The following SASH1 variants were observed in gnomAD, a reference collection of about 807,000 sequenced individuals.
The protein encoded by SASH1 is SAM and SH3 domain containing 1, also known as SAM and SH3 domain-containing protein 1.
Under a neutral mutation model 125.2 loss-of-function variants are expected in SASH1, and 44 were observed. The observed-to-expected ratio is 0.35, with a 90% CI of 0.28 to 0.45. The LOEUF (loss-of-function observed/expected upper bound fraction) is 0.45. Ranked by LOEUF, SASH1 falls within the 20% of genes least tolerant of loss-of-function variation. The pLI is 1.00. For synonymous variants in SASH1, 639 were observed against 649.1 expected (o/e 0.98, Z 0.24); for missense variants, 1,426 against 1,614.5 (o/e 0.88, Z 2.00).
chr6:148,410,884 G>A (rs1363588766), intron 2 of SASH1, among the ~76,000 whole-genome samples: 2 of 152,126 alleles, frequency 1.3e-5, no homozygotes, highest in Admixed American at 6.5e-5. Context: ...AGGCGGCCGG[G>A]CACAGTGGCT....
the SASH1 span, among the ~76,000 whole-genome samples, chr6:148,248,946 CA>C: frequency 6.6e-6 from 1 of 152,130 alleles, no homozygotes; most frequent in African/African-American, 2.4e-5. Flanking sequence ...CTAATTTATA[CA>C]AAATCTCCAA....
the SASH1 span, among the ~76,000 whole-genome samples, chr6:148,242,107 T>C: frequency 2.6e-5 from 4 of 152,228 alleles, no homozygotes; most frequent in African/African-American, 4.8e-5. Flanking sequence ...TAAGATAATG[T>C]AGGACTATTC....
intron 1 of SASH1, among the ~76,000 whole-genome samples, chr6:148,337,729 A>G (rs2495937): frequency 0.28 from 41,890 of 152,094 alleles, 5,795 homozygotes; most frequent in Admixed American, 0.31. Context: ...GTATATGTAT[A>G]TATGTGTTGT....
At chr6:148,364,540 C>G (rs1032684377) in intron 1 of SASH1, among the ~76,000 whole-genome samples, 1 of 152,138 alleles carries the variant, frequency 6.6e-6, no homozygotes, top group Non-Finnish European at 1.5e-5. Context: ...GTGAAAGTTG[C>G]CTGTCCTGAG....
chr6:148,258,777 CCT>C, the SASH1 span, among the ~76,000 whole-genome samples: 2 of 152,160 alleles, frequency 1.3e-5, no homozygotes, highest in African/African-American at 4.8e-5. Flanking sequence ...TTCATTTTAT[CCT>C]CTTTCATTCC....
At chr6:148,213,488 G>T in the SASH1 span, among the ~76,000 whole-genome samples, 25 of 147,952 alleles carry the variant, frequency 1.7e-4, no homozygotes, top group Non-Finnish European at 3.0e-4. Flanking sequence ...TAGAAGCCTG[G>T]AATTCCCTAG....
chr6:148,392,172 A>G (rs62432277), intron 2 of SASH1, among the ~76,000 whole-genome samples: 1 of 151,938 alleles, frequency 6.6e-6, no homozygotes, highest in Non-Finnish European at 1.5e-5. Flanking sequence ...TCTAATCCCA[A>G]CTACTCGGGA....
the SASH1 span, among the ~76,000 whole-genome samples, chr6:148,233,214 T>TA: frequency 0.14 from 17,590 of 126,394 alleles, 1,295 homozygotes; most frequent in Middle Eastern, 0.2. Context: ...AACTCCATCT[T>TA]AAAAAAAAAA....
In SASH1 at chr6:148,279,148, T is replaced by C. The variant is rs372201768; in HGVS notation, n.74+6771T>C. On this transcript the variant is annotated intron_variant and non_coding_transcript_variant, in intron 1 of 3. Coordinates refer to the SASH1 transcript ENST00000367469. ...CTGGGACTACAGGCGCATGCTGCTA[T>C]GCCCGGCTAATTTTTTGTATTTTAG... Among the ~76,000 whole-genome samples, 32 of 152,214 alleles carry C rather than the reference T, an allele frequency of 2.1e-4. No homozygotes were observed. The South Asian group carries it at 6.4e-3, about 31-fold the overall frequency.
At chr6:148,265,317 AAAGGAGGGAGGG>A in the SASH1 span, among the ~76,000 whole-genome samples, 3,060 of 149,098 alleles carry the variant, frequency 0.021, 71 homozygotes, top group East Asian at 0.1. Context: ...CAAGAAAGAA[AAAGGAGGGAGGG>A]AAGGAGGGAG....
intron 16 of SASH1, among the ~76,000 whole-genome samples, chr6:148,535,465 T>A (rs1269889395): frequency 6.6e-6 from 1 of 152,178 alleles, no homozygotes; most frequent in Non-Finnish European, 1.5e-5. Context: ...GTTGTGTTCT[T>A]ATTGAATAGA....
chr6:148,265,593 C>T, the SASH1 span, among the ~76,000 whole-genome samples: 1 of 152,118 alleles, frequency 6.6e-6, no homozygotes, highest in African/African-American at 2.4e-5. Context: ...ATATGCTCAG[C>T]GTTTTGCAAA....
At position 148,513,053 on chromosome 6, in the gene SASH1, T is replaced by G. The variant is rs542922780; in HGVS notation, c.730-1271T>G. ...AAGAGGACTCACAACGTGCACCATT[T>G]TTATGCCTAAATAATGCATAGAAAC... is the stretch of plus-strand genomic sequence containing the variant. On this transcript the variant is annotated intron_variant, in intron 8 of 19. Transcript: ENST00000367467. 7.0e-5 allele frequency: 69 copies of G among 985,442 alleles called. No individual in the cohort carries two copies. The African/African-American group carries it at 1.0e-3, about 15-fold the overall frequency. The allele number at this position is 985,442 out of a possible 1,614,324, so 61.0% of individuals were successfully genotyped here.
chr6:148,195,612 C>T, the SASH1 span, among the ~76,000 whole-genome samples: 1 of 152,254 alleles, frequency 6.6e-6, no homozygotes, highest in African/African-American at 2.4e-5. Context: ...AGCACTGCCA[C>T]TACATGTGTC....
chr6:148,280,904 G>C (rs1185129645), intron 1 of SASH1, among the ~76,000 whole-genome samples: 3 of 151,998 alleles, frequency 2.0e-5, no homozygotes, highest in Non-Finnish European at 4.4e-5. Flanking sequence ...AATTTCAGAA[G>C]AGTAGGGTTA....
At position 148,544,021 on chromosome 6, in the gene SASH1, C is replaced by T; in HGVS notation, c.2551C>T (p.Gln851Ter). 6.2e-7 allele frequency: 1 copy of T among 1,614,126 alleles called. No homozygotes were observed. The highest frequency in any genetic ancestry group is 8.5e-7 in the Non-Finnish European group (1 of 1,180,036). The change falls in exon 18 of 20, where the codon CAA becomes TAA. Residue 851 changes from glutamine to a stop codon, truncating the protein, a stop_gained. Coordinates refer to ENST00000367467, the MANE Select transcript of SASH1 (RefSeq NM_015278.5). LOFTEE classifies it high-confidence loss of function. This position sits in a 1 kb window ranked among gnomAD's most constrained non-coding sequence, Gnocchi z 6.4. Reference protein sequence around the residue: ...DDLQVEPGAEQDVPTEVTEPP... With the variant: ...DDLQVEPGAE ...CCTTCAAGTGGAGCCTGGTGCTGAG[C>T]AAGACGTGCCTACCGAGGTGACAGA...
At chr6:148,290,772 G>A (rs1232571076) in intron 1 of SASH1, among the ~76,000 whole-genome samples, 1 of 148,422 alleles carries the variant, frequency 6.7e-6, no homozygotes, top group Non-Finnish European at 1.5e-5. Flanking sequence ...GAAAACCAGA[G>A]ACCTTTGTTC....
At chr6:148,290,430 C>T (rs933745752) in intron 1 of SASH1, among the ~76,000 whole-genome samples, 1 of 151,306 alleles carries the variant, frequency 6.6e-6, no homozygotes, top group East Asian at 2.0e-4. Context: ...CAGAGTGAAA[C>T]CCCGTCTCTA....
At chr6:148,364,162 T>C (rs1782359322) in intron 1 of SASH1, among the ~76,000 whole-genome samples, 1 of 152,184 alleles carries the variant, frequency 6.6e-6, no homozygotes, top group African/African-American at 2.4e-5. Flanking sequence ...TCCACGTCAA[T>C]GACTCATGCC....
Sources: gnomAD v4.1 joint callset for allele counts (sites outside exome capture counted in the v4.1 genomes callset) on GRCh38, gnomAD v4.1.1 for gene constraint, Gnocchi (gnomAD v3.1) non-coding constraint, MANE v1.5 for transcripts, NCBI Gene and HGNC (gene_info 2026-07-23, HGNC 2026-07-21) for gene names.